Variants in DHX30 observed in about 807,000 individuals in gnomAD.
The protein encoded by DHX30 is DExH-box helicase 30, also known as ATP-dependent RNA helicase DHX30.
Under a neutral mutation model 116.9 loss-of-function variants are expected in DHX30, and 4 were observed. The ratio of observed to expected loss-of-function variants is 0.03; its 90% CI spans 0.02 to 0.08. The LOEUF is 0.08. DHX30 is among the 10% of genes least tolerant of loss of function. The pLI is 1.00. For missense variants in DHX30, 871 were observed against 1,595.1 expected (o/e 0.55, Z 7.73); for synonymous variants, 697 against 651.7 (o/e 1.07, Z -1.06).
At chr3:47,808,516 C>A (rs1272080120) in intron 2 of DHX30, among the ~76,000 whole-genome samples, 1 of 151,740 alleles carries the variant, frequency 6.6e-6, no homozygotes. Context: ...CTGTGCCTAG[C>A]CAGTTTACCA....
chr3:47,826,191 A>C (rs1360097350), intron 4 of DHX30: 1 of 152,212 alleles, frequency 6.6e-6, no homozygotes, highest in Non-Finnish European at 1.5e-5. Flanking sequence ...TGGAGCTGCC[A>C]GAGGCTAGAG....
Position 47,846,378 on chromosome 3 carries a change from G to A in DHX30, c.1306G>A (p.Val436Met). 6.2e-7 allele frequency: 1 copy of A among 1,614,032 alleles called. No homozygotes were observed. The highest frequency in any genetic ancestry group is 1.3e-5 in the African/African-American group (1 of 75,082). ...PVWQEAPQLP[V>M]DPHRDTILNA... ...CTGGCAGGAGGCCCCCCAGCTACCT[G>A]TGGACCCACATCGGGACACCATCCT... The change falls in exon 11 of 22, where the codon GTG (valine) becomes ATG (methionine). Residue 436 changes from valine (V) to methionine (M), a missense_variant. Around this residue, in one of 13 missense-constraint regions of DHX30, gnomAD observed 175 missense variants for 292.9 expected, o/e 0.60. Transcript: ENST00000445061.
intron 6 of DHX30, among the ~76,000 whole-genome samples, chr3:47,832,440 G>A (rs943298165): frequency 5.9e-5 from 9 of 152,100 alleles, no homozygotes; most frequent in African/African-American, 2.2e-4. Flanking sequence ...CTTCCAGGTA[G>A]CTGGGATTAC....
intron 5 of DHX30, 79 bp from the exon 6 acceptor site, chr3:47,828,945 A>G: frequency 2.4e-6 from 2 of 818,472 alleles, no homozygotes; most frequent in Non-Finnish European, 4.1e-6. Context: ...GAGGTCCACC[A>G]CTGTTTATTT....
chr3:47,808,680 A>T (rs1221506306), intron 2 of DHX30, among the ~76,000 whole-genome samples: 1 of 150,348 alleles, frequency 6.7e-6, no homozygotes, highest in East Asian at 2.0e-4. Context: ...GGTTCAAGCG[A>T]TTCTCCTGCC....
At chr3:47,819,318 G>T in intron 4 of DHX30, 4 of 1,360,518 alleles carry the variant, frequency 2.9e-6, no homozygotes, top group Non-Finnish European at 3.9e-6. Flanking sequence ...AAGACGGTTA[G>T]TCGGGGTTAA....
At chr3:47,827,059 T>C (rs778613821) in intron 4 of DHX30, among the ~76,000 whole-genome samples, 1 of 152,164 alleles carries the variant, frequency 6.6e-6, no homozygotes, top group Non-Finnish European at 1.5e-5. Context: ...TTGTAGGTGA[T>C]GTATGAAATG....
intron 6 of DHX30, among the ~76,000 whole-genome samples, chr3:47,837,132 G>A (rs1278577767): frequency 6.3e-5 from 9 of 142,156 alleles, no homozygotes; most frequent in African/African-American, 2.0e-4. Flanking sequence ...TCCTTGCCAG[G>A]GCCGAGGGCT....
At chr3:47,828,020 G>A (rs1043385118) in intron 5 of DHX30, among the ~76,000 whole-genome samples, 4 of 151,862 alleles carry the variant, frequency 2.6e-5, no homozygotes, top group South Asian at 2.1e-4. Context: ...CACCACACTC[G>A]TCTAATTTTT....
At chr3:47,834,780 G>C (rs367751986) in intron 6 of DHX30, among the ~76,000 whole-genome samples, 3 of 151,988 alleles carry the variant, frequency 2.0e-5, no homozygotes, top group Non-Finnish European at 4.4e-5. Flanking sequence ...TTCTTTAAAG[G>C]CTGAATAATA....
rs1413228509 is a variant in DHX30 at position 47,841,747 on chromosome 3, G to A, written c.789+10G>A. On this transcript the variant is annotated intron_variant, in intron 8 of 21. Coordinates refer to ENST00000445061, the MANE Select transcript of DHX30 (RefSeq NM_138615.3). Reference sequence around the variant, plus strand: ...ATCCTCCACAGCTAAGGTGAGTTGGGTCTCCTAGAAGTTTGTGTGGGGGCC... The same window carrying A: ...ATCCTCCACAGCTAAGGTGAGTTGGATCTCCTAGAAGTTTGTGTGGGGGCC... 6.2e-7 allele frequency: 1 copy of A among 1,614,182 alleles called. No homozygotes were observed. Among genetic ancestry groups the A allele is most frequent in the Non-Finnish European group, 8.5e-7 (1 of 1,180,012 alleles).
intron 4 of DHX30, chr3:47,825,271 C>A (rs774549919): frequency 3.5e-6 from 2 of 563,566 alleles, no homozygotes; most frequent in South Asian, 4.1e-5. Context: ...CGGGGGCGGG[C>A]GGTCCGCAGC....
At position 47,828,927 on chromosome 3, in the gene DHX30, G is replaced by C. The variant is rs939859236; in HGVS notation, c.256-97G>C. ...CTAGCACATTGCTGCTGTGAGGTCT[G>C]CTGCTGTGAGGTCCACCACTGTTTA... On this transcript the variant is annotated intron_variant, in intron 5 of 21. Transcript: ENST00000445061. 1.4e-5 allele frequency: 10 copies of C among 717,530 alleles called. No homozygotes were observed. In the Admixed American group the frequency reaches 2.0e-4, roughly 14 times the overall value. 44.4% of individuals were successfully genotyped at this position (717,530 alleles called of 1,614,324 possible).
At chr3:47,831,941 T>TC (rs2036876472) in intron 6 of DHX30, among the ~76,000 whole-genome samples, 2 of 149,818 alleles carry the variant, frequency 1.3e-5, no homozygotes, top group Non-Finnish European at 3.0e-5. Flanking sequence ...TTTTTTTTTT[T>TC]TTTTTTTATT....
Position 47,845,813 on chromosome 3 carries a change from C to T in DHX30, c.1053C>T (p.Pro351=), listed in dbSNP as rs144616702. 3.0e-4 allele frequency: 491 copies of T among 1,609,968 alleles called. 1 individual carries two copies. The highest frequency in any genetic ancestry group is 3.7e-4 in the Non-Finnish European group (436 of 1,176,658). Residue 351 remains proline (P), a synonymous_variant, in exon 10 of 22, where the codon CCC becomes CCT. Coordinates refer to ENST00000445061, the MANE Select transcript of DHX30 (RefSeq NM_138615.3). ...GCCGACCATGCACCATCCAGGTGCC[C>T]GAGCCCATCCTCCGCAAGATAGAGA... The part of the protein sequence containing the change: ...TQRRPCTIQV[P]EPILRKIETF...
At chr3:47,823,940 G>T (rs2036413296) in intron 4 of DHX30, among the ~76,000 whole-genome samples, 1 of 151,862 alleles carries the variant, frequency 6.6e-6, no homozygotes, top group Non-Finnish European at 1.5e-5. Context: ...TGTCCAGGTG[G>T]GGCCTTTCTG....
intron 3 of DHX30, among the ~76,000 whole-genome samples, chr3:47,814,504 G>C (rs573473905): frequency 1.3e-4 from 20 of 150,662 alleles, no homozygotes; most frequent in Non-Finnish European, 2.2e-4. Flanking sequence ...TGTAATCCCA[G>C]CACTTTGGGA....
chr3:47,834,717 C>G (rs2037026613), intron 6 of DHX30, among the ~76,000 whole-genome samples: 1 of 152,170 alleles, frequency 6.6e-6, no homozygotes, highest in Admixed American at 6.5e-5. Context: ...GTCTCAGCCT[C>G]CCAAAGTGCT....
chr3:47,844,668 T>G (rs1293595745), intron 9 of DHX30, among the ~76,000 whole-genome samples: 1 of 152,170 alleles, frequency 6.6e-6, no homozygotes, highest in African/African-American at 2.4e-5. Context: ...GTGTTTGATC[T>G]GGGCTCCGAA....
Sources: allele counts gnomAD v4.1 joint callset (sites outside exome capture counted in the v4.1 genomes callset), GRCh38; gene constraint gnomAD v4.1.1; regional missense constraint gnomAD v4.1.1; transcripts MANE v1.5; gene names NCBI Gene and HGNC (gene_info 2026-07-23, HGNC 2026-07-21).